Variants in C17orf99 observed in about 807,000 individuals in gnomAD.
C17orf99 encodes chromosome 17 open reading frame 99.
A neutral mutation model predicts 22.6 loss-of-function variants in C17orf99; 18 were observed. That is an observed-to-expected ratio of 0.80 (90% CI 0.55 to 1.18). The LOEUF (loss-of-function observed/expected upper bound fraction) is 1.18, where lower values mean the gene tolerates loss of function less well. Ranked by LOEUF, C17orf99 falls within the 50% of genes most tolerant of loss-of-function variation. The probability of loss-of-function intolerance (pLI) is 0.00; values close to 1 mark genes in which losing one functional copy is unlikely to be tolerated. For missense variants in C17orf99, 328 were observed against 342.7 expected (o/e 0.96, Z 0.34); for synonymous variants, 147 against 136.6 (o/e 1.08, Z -0.53).
In C17orf99 at chr17:78,146,637, AT is replaced by A. The variant is rs1297267329; in HGVS notation, c.37+196del. ...AACTTGCTGTATATGTGGTCCAGGG[AT>A]TTCTGCACCATTCTGGGCTCACTAC... On this transcript the variant is annotated intron_variant, in intron 1 of 4. Coordinates refer to ENST00000340363, the MANE Select transcript of C17orf99 (RefSeq NM_001163075.2). This position sits in a 1 kb window ranked among gnomAD's most constrained non-coding sequence, Gnocchi z 5.2. Among the ~76,000 whole-genome samples, 3 of 151,998 alleles carry A rather than the reference AT, an allele frequency of 2.0e-5. No individual in the cohort carries two copies. Among genetic ancestry groups the A allele is most frequent in the Non-Finnish European group, 2.9e-5 (2 of 68,004 alleles).
intron 2 of C17orf99, among the ~76,000 whole-genome samples, chr17:78,154,790 C>T (rs575033130): frequency 5.8e-4 from 88 of 152,034 alleles, no homozygotes; most frequent in Admixed American, 2.4e-3. Flanking sequence ...TGTGGTGAGA[C>T]GAGATCACGA....
intron 2 of C17orf99, among the ~76,000 whole-genome samples, chr17:78,152,326 G>A (rs966975600): frequency 2.8e-5 from 4 of 144,622 alleles, no homozygotes; most frequent in Non-Finnish European, 6.0e-5. Flanking sequence ...ATACCACCAT[G>A]CCTGCTTAAT....
chr17:78,149,331 CAAAAAAAAAAAAAA>C (rs35155993), intron 2 of C17orf99, among the ~76,000 whole-genome samples: 3 of 40,988 alleles, frequency 7.3e-5, no homozygotes, highest in Admixed American at 2.1e-4. Flanking sequence ...GACTCTGCCT[CAAAAAAAAAAAAAA>C]AAAAAAAAAA....
At chr17:78,146,380 C>G (rs1036741775), upstream of C17orf99, 7 of 1,548,446 alleles carry the variant, frequency 4.5e-6, no homozygotes, top group Admixed American at 2.0e-5. The surrounding 1 kb of genome is among the most constrained non-coding windows in gnomAD (Gnocchi z 5.2). Flanking sequence ...TCTCACTGCC[C>G]GAGCAGAGGC....
intron 2 of C17orf99, among the ~76,000 whole-genome samples, chr17:78,149,712 A>T (rs1567816475): frequency 7.1e-6 from 1 of 141,096 alleles, no homozygotes; most frequent in African/African-American, 2.6e-5. Context: ...ATTTAATTTA[A>T]TTTTTTTTTT....
At chr17:78,154,605 G>GC (rs942246240) in intron 2 of C17orf99, among the ~76,000 whole-genome samples, 3 of 151,872 alleles carry the variant, frequency 2.0e-5, no homozygotes, top group African/African-American at 4.8e-5. Context: ...CACTTTGGGG[G>GC]GCTGAGGCAG....
chr17:78,166,205 T>C lies in C17orf99; in HGVS notation c.*159T>C. 1 of 395,654 alleles carries C rather than the reference T, an allele frequency of 2.5e-6. No individual in the cohort carries two copies. Among genetic ancestry groups the C allele is most frequent in the Non-Finnish European group, 4.4e-6 (1 of 224,904 alleles). 24.5% of individuals were successfully genotyped at this position (395,654 alleles called of 1,614,324 possible). On this transcript the variant is annotated 3_prime_UTR_variant, in exon 5 of 5. Transcript: ENST00000340363. The stretch of plus-strand genomic sequence containing the variant: ...GTAACTATGAGAGATGGTGGATATG[T>C]TAACTTGCTTCGCTATAGGAACCTT...
chr17:78,165,846 G>C (rs2075613331), intron 4 of C17orf99, 43 bp from the exon 5 acceptor site: 1 of 1,284,394 alleles, frequency 7.8e-7, no homozygotes, highest in African/African-American at 1.5e-5. Flanking sequence ...GGGATGGCTG[G>C]GAGGTGAGCC....
Position 78,166,035 on chromosome 17 carries a change from GC to G in C17orf99, c.788del (p.Ala263GlufsTer32). The G allele has an allele frequency of 7.3e-7, 1 of 1,371,226 alleles. No individual in the cohort carries two copies. 84.9% of individuals were successfully genotyped at this position (1,371,226 alleles called of 1,614,324 possible). ...TGGGGAGGTCAGAGGACGCAAAGCA[GC>G]AGCCATGTAGAATGAACCGTCCAGA... ...GNGEVRGRKAAAM is the reference protein window; with the variant it reads ...GNGEVRGRKAXAM On this transcript the variant is annotated frameshift_variant, in exon 5 of 5. Coordinates refer to ENST00000340363, the MANE Select transcript of C17orf99 (RefSeq NM_001163075.2). LOFTEE classifies it high-confidence loss of function.
At chr17:78,157,137 C>G (rs1019566336) in intron 2 of C17orf99, among the ~76,000 whole-genome samples, 2 of 150,866 alleles carry the variant, frequency 1.3e-5, no homozygotes, top group African/African-American at 4.9e-5. Flanking sequence ...CAAGACCAGC[C>G]TAACCAACAT....
chr17:78,160,406 C>T (rs9907239), intron 2 of C17orf99, among the ~76,000 whole-genome samples: 23,870 of 151,590 alleles, frequency 0.16, 2,245 homozygotes, highest in African/African-American at 0.25. Context: ...CGTGGTGGCA[C>T]GCGCCTGCAG....
chr17:78,146,882 C>T lies in C17orf99; in HGVS notation c.41C>T (p.Ala14Val). 6 of 1,551,504 alleles carry T rather than the reference C, an allele frequency of 3.9e-6. No homozygotes were observed. Among genetic ancestry groups the T allele is most frequent in the Non-Finnish European group, 5.2e-6 (6 of 1,146,818 alleles). ...PGLFCLAVLAASSFSKAREEE... is the reference protein window; with the variant it reads ...PGLFCLAVLAVSSFSKAREEE... ...ATCGCCCTTACCTCTCTTACAGCTGCCAGCAGCTTCTCCAAGGCACGGGAG... is the reference window on the plus strand; with the variant it reads ...ATCGCCCTTACCTCTCTTACAGCTGTCAGCAGCTTCTCCAAGGCACGGGAG... Residue 14 changes from alanine (A) to valine (V), a missense_variant, in exon 2 of 5, where the codon GCC (alanine) becomes GTC (valine). Ala to Val is a moderately conservative substitution (Grantham distance 64, BLOSUM62 0). Coordinates refer to ENST00000340363, the MANE Select transcript of C17orf99 (RefSeq NM_001163075.2). This position sits in a 1 kb window ranked among gnomAD's most constrained non-coding sequence, Gnocchi z 5.2.
At chr17:78,146,282 C>A (rs988231971), upstream of C17orf99, 1 of 786,520 alleles carries the variant, frequency 1.3e-6, no homozygotes, top group Non-Finnish European at 2.0e-6. This position sits in a 1 kb window ranked among gnomAD's most constrained non-coding sequence, Gnocchi z 5.2. Context: ...TGGGGTGCTG[C>A]GGCCTCCAGG....
chr17:78,163,388 A>G (rs972213493), intron 3 of C17orf99, among the ~76,000 whole-genome samples: 14 of 152,264 alleles, frequency 9.2e-5, no homozygotes, highest in African/African-American at 3.1e-4. Flanking sequence ...AGAATCTTCT[A>G]CATGACAGTT....
At chr17:78,156,332 GAA>G (rs769438256) in intron 2 of C17orf99, among the ~76,000 whole-genome samples, 37 of 63,386 alleles carry the variant, frequency 5.8e-4, no homozygotes, top group African/African-American at 1.3e-3. Context: ...TCCTTCTCCA[GAA>G]AAAAAAAAAA....
chr17:78,151,132 A>G (rs1399728731), intron 2 of C17orf99, among the ~76,000 whole-genome samples: 1 of 147,420 alleles, frequency 6.8e-6, no homozygotes, highest in African/African-American at 2.5e-5. Context: ...CACAAAAACA[A>G]AAACAAACAA....
intron 4 of C17orf99, chr17:78,165,168 C>T (rs2075608645): frequency 1.0e-6 from 1 of 1,001,302 alleles, no homozygotes; most frequent in Non-Finnish European, 1.2e-6. Context: ...AGTGCAGGCA[C>T]CACAGGCCTG....
intron 2 of C17orf99, among the ~76,000 whole-genome samples, chr17:78,160,310 G>T (rs1026444712): frequency 2.0e-5 from 3 of 152,104 alleles, no homozygotes; most frequent in East Asian, 3.9e-4. Context: ...GGCCAAGGCG[G>T]GTGGATCACG....
At chr17:78,164,014 T>C (rs1165416091) in intron 3 of C17orf99, 81 bp from the exon 4 acceptor site, 2 of 1,236,424 alleles carry the variant, frequency 1.6e-6, no homozygotes, top group Non-Finnish European at 2.3e-6. Flanking sequence ...ATTAGGCATT[T>C]TGTAATGAGG....
Sources: gnomAD v4.1 joint callset for allele counts (sites outside exome capture counted in the v4.1 genomes callset) on GRCh38, gnomAD v4.1.1 for gene constraint, Gnocchi (gnomAD v3.1) non-coding constraint, MANE v1.5 for transcripts, NCBI Gene and HGNC (gene_info 2026-07-23, HGNC 2026-07-21) for gene names.